TGFBR2: variants seen among roughly 807,000 people sequenced by gnomAD.
TGFBR2 encodes transforming growth factor beta receptor 2.
A neutral mutation model predicts 49.0 loss-of-function variants in TGFBR2; 18 were observed. The observed-to-expected ratio is 0.37, with a 90% CI of 0.25 to 0.54. The LOEUF is 0.54. TGFBR2 is among the 20% of genes least tolerant of loss of function. The pLI is 0.85. For missense variants in TGFBR2, 525 were observed against 722.6 expected (o/e 0.73, Z 3.13); for synonymous variants, 282 against 275.9 (o/e 1.02, Z -0.22).
At position 30,607,799 on chromosome 3, in the gene TGFBR2, A is replaced by AAAAAAAT. The variant is rs1367214755; in HGVS notation, c.94+823_94+824insAAAAATA. 2.9e-3 allele frequency among the ~76,000 whole-genome samples: 400 copies of AAAAAAAT among 138,304 alleles called. 2 individuals are homozygous for AAAAAAAT. The highest frequency in any genetic ancestry group is 9.2e-3 in the African/African-American group (339 of 36,900). The allele number at this position is 138,304 out of a possible 152,430, so 90.7% of individuals were successfully genotyped here. A position where few individuals can be genotyped will look rare whatever the true frequency, so the allele number is the denominator to read the frequency against. ...TTTAAGGAAAAAATAAAAATAAAAA[A>AAAAAAAT]ATATATATATATATTATATATATAT... On this transcript the variant is annotated intron_variant, in intron 1 of 6. Coordinates refer to ENST00000295754, the MANE Select transcript of TGFBR2 (RefSeq NM_003242.6).
At chr3:30,646,330 C>T (rs886141040) in intron 2 of TGFBR2, among the ~76,000 whole-genome samples, 12 of 152,116 alleles carry the variant, frequency 7.9e-5, no homozygotes, top group African/African-American at 2.7e-4. Flanking sequence ...TTCTAGGTAA[C>T]GCTTTCAAAG....
In TGFBR2 at chr3:30,679,066, C is replaced by T. The variant is rs534316771; in HGVS notation, c.1396+4820C>T. Among the ~76,000 whole-genome samples, 141 of 152,332 alleles carry T rather than the reference C, an allele frequency of 9.3e-4. 1 individual carries two copies. In the South Asian group the frequency reaches 0.027, roughly 29 times the overall value. On this transcript the variant is annotated intron_variant, in intron 5 of 6. Transcript: ENST00000295754. Reference sequence around the variant, plus strand: ...CGCCACATTCTCATTCTGTGTTCATCACTTCATCATGATGGATGTCTTTTA... The same window carrying T: ...CGCCACATTCTCATTCTGTGTTCATTACTTCATCATGATGGATGTCTTTTA...
intron 1 of TGFBR2, among the ~76,000 whole-genome samples, chr3:30,643,199 C>T (rs1338794176): frequency 2.0e-5 from 3 of 152,198 alleles, no homozygotes; most frequent in African/African-American, 7.2e-5. Flanking sequence ...GCGGAGGGAA[C>T]ATGAGGCTTT....
intron 1 of TGFBR2, among the ~76,000 whole-genome samples, chr3:30,636,431 C>A (rs887278739): frequency 6.6e-6 from 1 of 152,118 alleles, no homozygotes; most frequent in African/African-American, 2.4e-5. Flanking sequence ...GGTATTGTTT[C>A]TCCACTTCTG....
chr3:30,616,539 C>T (rs1991657), intron 1 of TGFBR2, among the ~76,000 whole-genome samples: 82,861 of 152,034 alleles, frequency 0.55, 23,879 homozygotes, highest in East Asian at 0.77. Context: ...TTTCTTCCCA[C>T]TGGGGCTCAT....
intron 1 of TGFBR2, among the ~76,000 whole-genome samples, chr3:30,624,100 GCC>G (rs1421600204): frequency 6.6e-6 from 1 of 152,098 alleles, no homozygotes; most frequent in Non-Finnish European, 1.5e-5. Flanking sequence ...CCGAGATCAT[GCC>G]ATTGCACTCC....
intron 5 of TGFBR2, among the ~76,000 whole-genome samples, chr3:30,674,927 A>G (rs1439627096): frequency 6.6e-6 from 1 of 151,714 alleles, no homozygotes; most frequent in Non-Finnish European, 1.5e-5. Context: ...ATAGCCTCCC[A>G]GGTGCCCTCT....
intron 1 of TGFBR2, among the ~76,000 whole-genome samples, chr3:30,619,866 G>A (rs1698195646): frequency 6.6e-6 from 1 of 152,116 alleles, no homozygotes; most frequent in Non-Finnish European, 1.5e-5. Flanking sequence ...TGTTTGCCAA[G>A]CTACCTGTGC....
intron 1 of TGFBR2, among the ~76,000 whole-genome samples, chr3:30,607,828 TATATATATAATTATATATATAA>T (rs538553261): frequency 0.036 from 4,944 of 137,176 alleles, 334 homozygotes; most frequent in African/African-American, 0.14. Context: ...TATATATAAA[TATATATATAATTATATATATAA>T]ATATATATAA....
intron 5 of TGFBR2, among the ~76,000 whole-genome samples, chr3:30,678,109 A>C (rs1376702639): frequency 1.3e-5 from 2 of 152,162 alleles, no homozygotes; most frequent in African/African-American, 4.8e-5. Context: ...AGTAAAGGGA[A>C]CCAGATCTCC....
chr3:30,655,775 G>A (rs966000023), intron 3 of TGFBR2, among the ~76,000 whole-genome samples: 24 of 152,144 alleles, frequency 1.6e-4, no homozygotes, highest in Admixed American at 8.5e-4. Context: ...GCTTGGGAGC[G>A]CCCAGCACAG....
chr3:30,607,801 TATATATATATATTATATATATATAA>T (rs1559444122), intron 1 of TGFBR2, among the ~76,000 whole-genome samples: 14 of 131,938 alleles, frequency 1.1e-4, no homozygotes, highest in Non-Finnish European at 3.1e-5. Context: ...AATAAAAAAA[TATATATATATATTATATATATATAA>T]ATATATATAT....
chr3:30,649,385 T>C (rs1698837414), intron 2 of TGFBR2, among the ~76,000 whole-genome samples: 1 of 152,164 alleles, frequency 6.6e-6, no homozygotes, highest in South Asian at 2.1e-4. Flanking sequence ...GCATTAATCA[T>C]GTTGTTTAAA....
Position 30,650,235 on chromosome 3 carries a change from T to G in TGFBR2, c.264-35T>G, listed in dbSNP as rs11466495. 2,653 of 1,598,726 alleles carry G rather than the reference T, an allele frequency of 1.7e-3. 44 individuals are homozygous for G. The African/African-American group carries it at 0.032, about 20-fold the overall frequency. On this transcript the variant is annotated intron_variant, in intron 2 of 6. Transcript: ENST00000295754. The stretch of plus-strand genomic sequence containing the variant: ...CATTTATTCTCTTTCTCTCTCTCCC[T>G]CTCCCCTCGCTTCCAATGAATCTCT...
chr3:30,659,888 A>G (rs915616770), intron 3 of TGFBR2, among the ~76,000 whole-genome samples: 2 of 151,550 alleles, frequency 1.3e-5, no homozygotes, highest in African/African-American at 2.4e-5. Flanking sequence ...CCACCAGGGG[A>G]AAAAAAAGGC....
At chr3:30,664,507 T>C (rs1699210005) in intron 3 of TGFBR2, among the ~76,000 whole-genome samples, 1 of 152,180 alleles carries the variant, frequency 6.6e-6, no homozygotes, top group Non-Finnish European at 1.5e-5. Flanking sequence ...GTCAAATTCT[T>C]TTTTTTTCTG....
In TGFBR2 at chr3:30,691,522, C is replaced by A. The variant is rs2125455531; in HGVS notation, c.1627C>A (p.His543Asn). ...CVAERFSELE[H>N]LDRLSGRSCS... ...GGCAGAACGCTTCAGTGAGCTGGAG[C>A]ATCTGGACAGGCTCTCGGGGAGGAG... The change falls in exon 7 of 7, where the codon CAT becomes AAT. Residue 543 changes from histidine (H) to asparagine (N), a missense_variant. This residue lies in a region of TGFBR2 where 104 missense variants were observed against 133.4 expected (regional missense o/e 0.78). Transcript: ENST00000295754. The A allele has an allele frequency of 6.2e-7, 1 of 1,614,124 alleles. No homozygotes were observed. The highest frequency in any genetic ancestry group is 8.5e-7 in the Non-Finnish European group (1 of 1,180,002).
chr3:30,685,653 A>G (rs1699608245), intron 5 of TGFBR2, among the ~76,000 whole-genome samples: 3 of 152,168 alleles, frequency 2.0e-5, no homozygotes, highest in African/African-American at 7.2e-5. Flanking sequence ...AAACTTCAAC[A>G]TTAATTTGTC....
chr3:30,644,854 A>C lies in TGFBR2; in HGVS notation c.202A>C (p.Met68Leu), dbSNP rs1060501985. Residue 68 changes from methionine to leucine, a missense_variant, in exon 2 of 7, where the codon ATG becomes CTG. Physicochemically the swap from Met to Leu is conservative, Grantham distance 15. Transcript: ENST00000295754. Reference protein sequence around the residue: ...FSTCDNQKSCMSNCSITSICE... With the variant: ...FSTCDNQKSCLSNCSITSICE... ...CACCTGTGACAACCAGAAATCCTGC[A>C]TGAGCAACTGCAGCATCACCTCCAT... 3.1e-6 allele frequency: 5 copies of C among 1,614,186 alleles called. No homozygotes were observed. Among genetic ancestry groups the C allele is most frequent in the Non-Finnish European group, 4.2e-6 (5 of 1,180,018 alleles).
Sources: allele counts gnomAD v4.1 joint callset (sites outside exome capture counted in the v4.1 genomes callset), GRCh38; gene constraint gnomAD v4.1.1; regional missense constraint gnomAD v4.1.1; transcripts MANE v1.5; gene names NCBI Gene and HGNC (gene_info 2026-07-23, HGNC 2026-07-21).